BPNT2: variants seen among roughly 807,000 people sequenced by gnomAD.
BPNT2 encodes Golgi-resident adenosine 3',5'-bisphosphate 3'-phosphatase.
A neutral mutation model predicts 29.3 loss-of-function variants in BPNT2; 11 were observed. The ratio of observed to expected loss-of-function variants is 0.38; its 90% CI spans 0.24 to 0.62. The LOEUF (loss-of-function observed/expected upper bound fraction) is 0.62. Among genes scored for constraint, BPNT2 ranks in the 20% least tolerant of loss-of-function variants. The probability of loss-of-function intolerance (pLI) is 0.62; values close to 1 mark genes in which losing one functional copy is unlikely to be tolerated. For synonymous variants in BPNT2, 195 were observed against 187.7 expected (o/e 1.04, Z -0.32); for missense variants, 459 against 473.4 (o/e 0.97, Z 0.28).
At chr8:56,980,243 C>T in intron 1 of BPNT2, 46 bp from the exon 2 acceptor site, 1 of 1,472,694 alleles carries the variant, frequency 6.8e-7, no homozygotes, top group Non-Finnish European at 9.5e-7. Flanking sequence ...GACGAACAAT[C>T]ACTATTTGAT....
chr8:56,986,033 G>C (rs1267563415), intron 1 of BPNT2, among the ~76,000 whole-genome samples: 1 of 152,196 alleles, frequency 6.6e-6, no homozygotes, highest in Non-Finnish European at 1.5e-5. Flanking sequence ...ACTACATGGA[G>C]GACAACTGCT....
In BPNT2 at chr8:56,962,042, A is replaced by G. The variant is rs1805847138; in HGVS notation, c.*1751T>C. ...CTTTGCCATCTCTCCTGAAAAAGAA[A>G]GTTTCTTCAGCTTATTGCAAAGGAA... On this transcript the variant is annotated 3_prime_UTR_variant, in exon 5 of 5. Transcript: ENST00000262644. 6.6e-6 allele frequency: 1 copy of G among 152,188 alleles called. No individual in the cohort carries two copies. The highest frequency in any genetic ancestry group is 2.4e-5 in the African/African-American group (1 of 41,458). 9.4% of individuals were successfully genotyped at this position (152,188 alleles called of 1,614,324 possible). A position where few individuals can be genotyped will look rare whatever the true frequency, so the allele number is the denominator to read the frequency against.
chr8:56,977,451 A>C (rs890396401), intron 3 of BPNT2, among the ~76,000 whole-genome samples: 1 of 152,148 alleles, frequency 6.6e-6, no homozygotes, highest in Non-Finnish European at 1.5e-5. Context: ...TTTCTTATAA[A>C]AACACTCTAA....
intron 1 of BPNT2, among the ~76,000 whole-genome samples, chr8:56,981,653 A>C (rs1177452574): frequency 6.6e-6 from 1 of 152,258 alleles, no homozygotes; most frequent in Admixed American, 6.5e-5. Flanking sequence ...ACTAAATCTA[A>C]GAATTGAGTG....
In BPNT2 at chr8:56,960,278, T is replaced by C. The variant is rs1488769581; in HGVS notation, c.*3515A>G. ...GCCTAAGTGAGATCCAATTTTTGAA[T>C]TCAACATGAAACAAGGACAGATATC... On this transcript the variant is annotated 3_prime_UTR_variant, in exon 5 of 5. Transcript: ENST00000262644. 6.6e-6 allele frequency: 1 copy of C among 152,180 alleles called. No individual in the cohort carries two copies. Among genetic ancestry groups the C allele is most frequent in the African/African-American group, 2.4e-5 (1 of 41,442 alleles). 9.4% of individuals were successfully genotyped at this position (152,180 alleles called of 1,614,324 possible). A position where few individuals can be genotyped will look rare whatever the true frequency, so the allele number is the denominator to read the frequency against.
In BPNT2 at chr8:56,966,070, T is replaced by C. The variant is rs960188168; in HGVS notation, c.808+121A>G. ...TACCAAACAGGAGACCAAGCCTGTC[T>C]TGAAAGTACACCACTCCTCCTCACT... On this transcript the variant is annotated intron_variant, in intron 4 of 4. Coordinates refer to ENST00000262644, the MANE Select transcript of BPNT2 (RefSeq NM_017813.5). The C allele has an allele frequency of 2.3e-5, 25 of 1,088,166 alleles. No individual in the cohort carries two copies. In the African/African-American group the frequency reaches 3.4e-4, roughly 15 times the overall value. The allele number at this position is 1,088,166 out of a possible 1,614,324, so 67.4% of individuals were successfully genotyped here.
chr8:56,964,089 GTTA>G, intron 4 of BPNT2, 25 bp from the exon 5 acceptor site: 4 of 1,524,638 alleles, frequency 2.6e-6, no homozygotes, highest in Non-Finnish European at 3.6e-6. Flanking sequence ...AAGAATTTAG[GTTA>G]TTATTCAAAA....
chr8:56,959,923 T>C lies in BPNT2; in HGVS notation c.*3870A>G, dbSNP rs1426331782. ...GCCCTATTGTTAAGGCACAACTTTT[T>C]TTAGATTAAAAATGAAACCATAGAT... On this transcript the variant is annotated 3_prime_UTR_variant, in exon 5 of 5. Transcript: ENST00000262644. 6.6e-6 allele frequency: 1 copy of C among 152,214 alleles called. No homozygotes were observed. The highest frequency in any genetic ancestry group is 2.4e-5 in the African/African-American group (1 of 41,456). The allele number at this position is 152,214 out of a possible 1,614,324, so 9.4% of individuals were successfully genotyped here.
chr8:56,975,835 C>G (rs1806121619), intron 3 of BPNT2, among the ~76,000 whole-genome samples: 1 of 152,066 alleles, frequency 6.6e-6, no homozygotes, highest in Non-Finnish European at 1.5e-5. Flanking sequence ...ATGGTTGATT[C>G]TACCACTAAT....
intron 1 of BPNT2, among the ~76,000 whole-genome samples, chr8:56,982,559 C>T (rs1469795501): frequency 2.0e-5 from 3 of 152,062 alleles, no homozygotes. Flanking sequence ...CCACAGTGAT[C>T]AATGTGAGAC....
Position 56,963,720 on chromosome 8 carries a change from A to T in BPNT2, c.*73T>A. 1 of 1,561,810 alleles carries T rather than the reference A, an allele frequency of 6.4e-7. No homozygotes were observed. Among genetic ancestry groups the T allele is most frequent in the Non-Finnish European group, 8.8e-7 (1 of 1,134,898 alleles). On this transcript the variant is annotated 3_prime_UTR_variant, in exon 5 of 5. Transcript: ENST00000262644. ...CCTTAACCATGCATAGTCTCCACCA[A>T]TCCTTTGAAGCTTCCAGCATCTCAG...
At position 56,961,565 on chromosome 8, in the gene BPNT2, C is replaced by A. The variant is rs1035708267; in HGVS notation, c.*2228G>T. 1 of 152,042 alleles carries A rather than the reference C, an allele frequency of 6.6e-6. No homozygotes were observed. The highest frequency in any genetic ancestry group is 2.4e-5 in the African/African-American group (1 of 41,388). The allele number at this position is 152,042 out of a possible 1,614,324, so 9.4% of individuals were successfully genotyped here. On this transcript the variant is annotated 3_prime_UTR_variant, in exon 5 of 5. Transcript: ENST00000262644. ...GTCATTATCTAGATGCAGATTAATA[C>A]AATTAAAAATAAAAATAAAATCATC...
At chr8:56,971,782 A>AACCCCC (rs1806037005) in intron 3 of BPNT2, among the ~76,000 whole-genome samples, 4 of 104,208 alleles carry the variant, frequency 3.8e-5, no homozygotes, top group Non-Finnish European at 3.9e-5. Flanking sequence ...ATTTTGTACC[A>AACCCCC]CCCCCCCCCC....
Position 56,984,274 on chromosome 8 carries a change from C to T in BPNT2, c.388-4077G>A, listed in dbSNP as rs1422950480. On this transcript the variant is annotated intron_variant, in intron 1 of 4. Coordinates refer to ENST00000262644, the MANE Select transcript of BPNT2 (RefSeq NM_017813.5). ...GGGAGAAACAGCAGGAGAACAAGAA[C>T]ATTAGCACAAATACCTAATCTGCTT... Among the ~76,000 whole-genome samples, 3 of 152,220 alleles carry T rather than the reference C, an allele frequency of 2.0e-5. No homozygotes were observed. The East Asian group carries it at 5.8e-4, about 29-fold the overall frequency.
intron 4 of BPNT2, among the ~76,000 whole-genome samples, chr8:56,965,864 T>A (rs1263146506): frequency 6.6e-6 from 1 of 152,126 alleles, no homozygotes; most frequent in Admixed American, 6.6e-5. Flanking sequence ...TCTTTCTTCC[T>A]CTCCTTGATA....
chr8:56,967,333 C>T lies in BPNT2; in HGVS notation c.647-981G>A, dbSNP rs1477155555. 2.3e-5 allele frequency: 10 copies of T among 437,016 alleles called. 1 individual carries two copies. The highest frequency in any genetic ancestry group is 1.6e-4 in the South Asian group (10 of 61,082). The allele number at this position is 437,016 out of a possible 1,614,324, so 27.1% of individuals were successfully genotyped here. A position where few individuals can be genotyped will look rare whatever the true frequency, so the allele number is the denominator to read the frequency against. ...TCCTTCTAAAAACTATACACAGCAA[C>T]AAGAAGAACAAATAGAAATACCCAT... On this transcript the variant is annotated intron_variant, in intron 3 of 4. Transcript: ENST00000262644.
intron 3 of BPNT2, among the ~76,000 whole-genome samples, chr8:56,972,239 A>G (rs1806049466): frequency 6.6e-6 from 1 of 152,098 alleles, no homozygotes; most frequent in African/African-American, 2.4e-5. Context: ...ATAGTGTTTA[A>G]TGCAAACTTT....
chr8:56,973,793 T>C (rs1158610311), intron 3 of BPNT2, among the ~76,000 whole-genome samples: 1 of 152,216 alleles, frequency 6.6e-6, no homozygotes, highest in Non-Finnish European at 1.5e-5. Flanking sequence ...TTGACTTCTT[T>C]TATGACATGG....
chr8:56,989,160 C>A (rs936690648), intron 1 of BPNT2, among the ~76,000 whole-genome samples: 5 of 152,078 alleles, frequency 3.3e-5, no homozygotes, highest in South Asian at 2.1e-4. Context: ...ACCATTATGT[C>A]AATCTCAGTG....
Sources: allele counts gnomAD v4.1 joint callset (sites outside exome capture counted in the v4.1 genomes callset), GRCh38; gene constraint gnomAD v4.1.1; transcripts MANE v1.5; gene names NCBI Gene and HGNC (gene_info 2026-07-23, HGNC 2026-07-21).